The following FANCM variants were observed in gnomAD, a reference collection of about 807,000 sequenced individuals.
FANCM encodes Fanconi anemia group M protein.
FANCM carries 140 observed loss-of-function variants against 199.5 expected under a neutral mutation model. That is an observed-to-expected ratio of 0.70 (90% CI 0.61 to 0.81). The LOEUF is 0.81. Ranked by LOEUF, FANCM falls within the 30% of genes least tolerant of loss-of-function variation. The pLI, the probability that FANCM is intolerant of heterozygous loss-of-function variation, is 0.00. For missense variants in FANCM, 2,410 were observed against 2,421.4 expected, an observed-to-expected ratio of 1.00 and a Z score of 0.10; for synonymous variants, 840 against 836.8, an observed-to-expected ratio of 1.00 and a Z score of -0.07.
chr14:45,185,156 A>G (rs572743985), intron 17 of FANCM, 61 bp from the exon 18 acceptor site: 24 of 1,132,926 alleles, frequency 2.1e-5, no homozygotes, highest in Admixed American at 1.2e-4. Flanking sequence ...ATTATTTCCA[A>G]TCATGAAAGA....
chr14:45,137,360 A>G, intron 2 of FANCM, 119 bp downstream of exon 2: 2 of 780,806 alleles, frequency 2.6e-6, no homozygotes, highest in Non-Finnish European at 4.3e-6. Context: ...CTTTACGTCT[A>G]TTATCTCAGA....
chr14:45,175,357 A>G lies in FANCM; in HGVS notation c.2603A>G (p.Lys868Arg). 1 of 1,561,896 alleles carries G rather than the reference A, an allele frequency of 6.4e-7. No individual in the cohort carries two copies. The highest frequency in any genetic ancestry group is 8.7e-7 in the Non-Finnish European group (1 of 1,153,330). ...GAAATAAAAAAAGATCAGCTTAAAA[A>G]AGAAAATAATCACGGTATTATAGAT... ...SKEIKKDQLK[K>R]ENNHGIIDSV... Residue 868 changes from lysine (K) to arginine (R), a missense_variant, in exon 14 of 23, where the codon AAA (lysine) becomes AGA (arginine). Physicochemically the swap from Lys to Arg is conservative, Grantham distance 26. Coordinates refer to ENST00000267430, the MANE Select transcript of FANCM (RefSeq NM_020937.4).
intron 18 of FANCM, among the ~76,000 whole-genome samples, chr14:45,186,553 C>G (rs376083782): frequency 6.6e-6 from 1 of 152,108 alleles, no homozygotes; most frequent in South Asian, 2.1e-4. Flanking sequence ...TCTCAAAGTT[C>G]GTGACTTTTA....
At chr14:45,169,521 T>TC (rs1236559363) in intron 11 of FANCM, among the ~76,000 whole-genome samples, 1 of 152,092 alleles carries the variant, frequency 6.6e-6, no homozygotes, top group African/African-American at 2.4e-5. Flanking sequence ...CCTGTCAGCC[T>TC]CCTGTGTGGC....
chr14:45,163,007 GA>G (rs1265341126), intron 9 of FANCM, among the ~76,000 whole-genome samples: 2 of 151,788 alleles, frequency 1.3e-5, no homozygotes, highest in East Asian at 3.9e-4. Context: ...GTACTCCGAG[GA>G]TTTCCATATT....
chr14:45,154,922 TATTTTGTAGCAA>T, intron 7 of FANCM, 100 bp downstream of exon 7: 1 of 866,398 alleles, frequency 1.2e-6, no homozygotes, highest in South Asian at 1.6e-5. Flanking sequence ...CAATTATTTA[TATTTTGTAGCAA>T]CAGATCTGTT....
intron 9 of FANCM, among the ~76,000 whole-genome samples, chr14:45,161,856 T>C (rs1887631942): frequency 6.6e-6 from 1 of 152,004 alleles, no homozygotes; most frequent in Admixed American, 6.6e-5. Context: ...GAGAGACCGG[T>C]TGGGAGACTT....
intron 3 of FANCM, among the ~76,000 whole-genome samples, chr14:45,147,158 T>C (rs1023388305): frequency 6.6e-5 from 10 of 152,192 alleles, no homozygotes; most frequent in African/African-American, 2.4e-4. Context: ...TTCTAGATTT[T>C]GAATACGTAT....
At chr14:45,156,044 A>G (rs775948453) in intron 8 of FANCM, among the ~76,000 whole-genome samples, 14 of 152,204 alleles carry the variant, frequency 9.2e-5, no homozygotes, top group Admixed American at 2.6e-4. Flanking sequence ...CCAGTAAAAG[A>G]GTAAAGTAGA....
rs934908205 is a variant in FANCM, at chr14:45,189,093, A to G, written c.5071A>G (p.Asn1691Asp). Residue 1691 changes from asparagine (N) to aspartate (D), a missense_variant, in exon 20 of 23, where the codon AAC (asparagine) becomes GAC (aspartate). Transcript: ENST00000267430. The part of the protein sequence containing the change: ...NDKRESNIAV[N>D]PSTVKKNKQQ... ...TAAAAGAGAATCTAATATTGCGGTT[A>G]ACCCAAGCACTGTTAAGAAGAACAA... is the stretch of plus-strand genomic sequence containing the variant. The G allele has an allele frequency of 1.2e-6, 2 of 1,614,228 alleles. No homozygotes were observed. Among genetic ancestry groups the G allele is most frequent in the Admixed American group, 3.3e-5 (2 of 60,032 alleles).
rs1418128443 is a variant in FANCM at position 45,195,487 on chromosome 14, G to A, written c.5341-685G>A. 8 of 453,906 alleles carry A rather than the reference G, an allele frequency of 1.8e-5. No homozygotes were observed. In the East Asian group the frequency reaches 2.1e-4, roughly 12 times the overall value. The allele number at this position is 453,906 out of a possible 1,614,324, so 28.1% of individuals were successfully genotyped here. A position where few individuals can be genotyped will look rare whatever the true frequency, so the allele number is the denominator to read the frequency against. ...TAACTGTTTTTGGGGACAGAGGTTC[G>A]GACATCTAGCACTAATGTTTCCCAT... is the stretch of plus-strand genomic sequence containing the variant. On this transcript the variant is annotated intron_variant, in intron 20 of 22. Coordinates refer to ENST00000267430, the MANE Select transcript of FANCM (RefSeq NM_020937.4).
At position 45,200,748 on chromosome 14, in the gene FANCM, C is replaced by T. The variant is rs1451406231; in HGVS notation, c.*740C>T. 6.6e-6 allele frequency: 1 copy of T among 152,124 alleles called. No individual in the cohort carries two copies. The highest frequency in any genetic ancestry group is 2.4e-5 in the African/African-American group (1 of 41,414). The allele number at this position is 152,124 out of a possible 1,614,324, so 9.4% of individuals were successfully genotyped here. ...GATCTGATGGTTTTATAAGCTTTTC[C>T]TCTGTTCACTCTGCAGTTCTCTTGC... is the stretch of plus-strand genomic sequence containing the variant. On this transcript the variant is annotated 3_prime_UTR_variant, in exon 23 of 23. Transcript: ENST00000267430.
Position 45,188,830 on chromosome 14 carries a change from A to C in FANCM, c.4808A>C (p.Glu1603Ala). The change falls in exon 20 of 23, where the codon GAG becomes GCG. Residue 1603 changes from glutamate to alanine, a missense_variant. Glu to Ala is a moderately radical substitution (Grantham distance 107). Coordinates refer to ENST00000267430, the MANE Select transcript of FANCM (RefSeq NM_020937.4). ...CCTGAACAAGATGAAACCTATTTAG[A>C]GGATAGTTTTTGTGTTGATGAAGAG... ...QIPEQDETYL[E>A]DSFCVDEEES... 1.9e-6 allele frequency: 3 copies of C among 1,612,856 alleles called. No individual in the cohort carries two copies. Among genetic ancestry groups the C allele is most frequent in the Non-Finnish European group, 2.5e-6 (3 of 1,179,474 alleles).
intron 1 of FANCM, 58 bp downstream of exon 1, chr14:45,136,597 A>G: frequency 6.5e-7 from 1 of 1,528,730 alleles, no homozygotes. Context: ...CCCATGTGGA[A>G]TAGTTCCCAA....
chr14:45,164,265 T>G (rs112580430), intron 9 of FANCM, 94 bp from the exon 10 acceptor site: 1 of 1,035,338 alleles, frequency 9.7e-7, no homozygotes. Context: ...TTAATCTGAT[T>G]TTACTATTTT....
In FANCM at chr14:45,137,145, A is replaced by G; in HGVS notation, c.585A>G (p.Val195=). The part of the protein sequence containing the change: ...RVLFLTPQVM[V]NDLSRGACPA... ...TTTTTCTTACACCTCAGGTCATGGT[A>G]AATGACCTTTCTAGAGGAGCTTGTC... Residue 195 remains valine, a synonymous_variant, in exon 2 of 23, where the codon GTA becomes GTG. Coordinates refer to ENST00000267430, the MANE Select transcript of FANCM (RefSeq NM_020937.4). The G allele has an allele frequency of 6.2e-7, 1 of 1,611,512 alleles. No individual in the cohort carries two copies. The highest frequency in any genetic ancestry group is 1.3e-5 in the African/African-American group (1 of 75,018).
In FANCM at chr14:45,136,133, C is replaced by T. The variant is rs775152368; in HGVS notation, c.102C>T (p.Ser34=). 1.9e-6 allele frequency: 3 copies of T among 1,614,158 alleles called. No individual in the cohort carries two copies. The highest frequency in any genetic ancestry group is 2.5e-6 in the Non-Finnish European group (3 of 1,180,024). ...GCTCCGGAACTGAGCGACCTCAGAG[C>T]CCTGGCAGCTCCAAGGCGCCTTTGC... ...GCSSGTERPQ[S]PGSSKAPLPA... Residue 34 remains serine, a synonymous_variant, in exon 1 of 23, where the codon AGC becomes AGT. Coordinates refer to ENST00000267430, the MANE Select transcript of FANCM (RefSeq NM_020937.4).
At chr14:45,159,387 A>T (rs1192599370) in intron 9 of FANCM, 107 bp downstream of exon 9, 1 of 745,994 alleles carries the variant, frequency 1.3e-6, no homozygotes, top group South Asian at 1.7e-5. Context: ...CTTAAAAAGA[A>T]TTTTACAGTA....
intron 5 of FANCM, among the ~76,000 whole-genome samples, chr14:45,152,116 C>T (rs1886866605): frequency 6.6e-6 from 1 of 151,276 alleles, no homozygotes; most frequent in Non-Finnish European, 1.5e-5. Flanking sequence ...GTAACCTCTG[C>T]CTCTCAGGTT....
Sources: gnomAD v4.1 joint callset for allele counts (sites outside exome capture counted in the v4.1 genomes callset) on GRCh38, gnomAD v4.1.1 for gene constraint, MANE v1.5 for transcripts, NCBI Gene and HGNC (gene_info 2026-07-23, HGNC 2026-07-21) for gene names.